VWA3B: variants seen among roughly 807,000 people sequenced by gnomAD.
The protein encoded by VWA3B is von Willebrand factor A domain containing 3B.
A neutral mutation model predicts 158.3 loss-of-function variants in VWA3B; 138 were observed. The observed-to-expected ratio is 0.87, with a 90% CI of 0.76 to 1.00. The LOEUF is 1.00. VWA3B is among the 50% of genes least tolerant of loss of function. VWA3B has a pLI of 0.00. For missense variants in VWA3B, 1,555 were observed against 1,565.1 expected, an observed-to-expected ratio of 0.99 and a Z score of 0.11; for synonymous variants, 596 against 587.3, an observed-to-expected ratio of 1.01 and a Z score of -0.21.
chr2:98,211,540 T>G (rs1683506106), intron 12 of VWA3B, among the ~76,000 whole-genome samples: 1 of 152,258 alleles, frequency 6.6e-6, no homozygotes, highest in Non-Finnish European at 1.5e-5. Context: ...ATATTGGGTA[T>G]CATGAATAAA....
chr2:98,195,639 G>C (rs1306339804), intron 12 of VWA3B, among the ~76,000 whole-genome samples: 2 of 151,616 alleles, frequency 1.3e-5, no homozygotes, highest in Non-Finnish European at 2.9e-5. Flanking sequence ...TGTTAACTCA[G>C]AGCCTACTAA....
the VWA3B span, among the ~76,000 whole-genome samples, chr2:98,318,913 A>C: frequency 6.6e-6 from 1 of 152,200 alleles, no homozygotes; most frequent in Non-Finnish European, 1.5e-5. Context: ...AAAATCTGAG[A>C]ATGCTCAAGC....
chr2:98,301,891 CCTTT>C (rs1331553439), intron 25 of VWA3B, among the ~76,000 whole-genome samples: 2 of 151,930 alleles, frequency 1.3e-5, no homozygotes. Flanking sequence ...CTCCTTCTGC[CCTTT>C]CTATGTTTAT....
At chr2:98,134,619 C>T (rs977411511) in intron 7 of VWA3B, among the ~76,000 whole-genome samples, 3 of 151,678 alleles carry the variant, frequency 2.0e-5, no homozygotes, top group African/African-American at 7.3e-5. Context: ...GAAGGAAGCC[C>T]CTGTTCGATT....
intron 2 of VWA3B, among the ~76,000 whole-genome samples, chr2:98,107,145 T>A (rs374303619): frequency 2.9e-4 from 44 of 152,306 alleles, no homozygotes; most frequent in African/African-American, 9.9e-4. Flanking sequence ...TGGATTATAT[T>A]ATTTTTTTTA....
chr2:98,089,680 C>T (rs1381070892), intron 1 of VWA3B, among the ~76,000 whole-genome samples: 2 of 149,802 alleles, frequency 1.3e-5, no homozygotes, highest in Non-Finnish European at 2.9e-5. Flanking sequence ...TACAAATATT[C>T]CATTTGTATT....
intron 12 of VWA3B, among the ~76,000 whole-genome samples, chr2:98,198,522 T>C (rs1682252312): frequency 6.8e-6 from 1 of 147,384 alleles, no homozygotes; most frequent in Non-Finnish European, 1.5e-5. Flanking sequence ...ACATCCTAGT[T>C]GAATCTTATT....
chr2:98,109,522 G>T (rs1673966084), intron 2 of VWA3B, among the ~76,000 whole-genome samples: 1 of 152,030 alleles, frequency 6.6e-6, no homozygotes, highest in Non-Finnish European at 1.5e-5. Context: ...TAGAATTTTG[G>T]TTCAACCATC....
At chr2:98,124,097 G>A (rs887750064) in intron 5 of VWA3B, among the ~76,000 whole-genome samples, 1 of 152,204 alleles carries the variant, frequency 6.6e-6, no homozygotes, top group Non-Finnish European at 1.5e-5. Context: ...ACTGAAAGCC[G>A]AAGTCCTGGC....
At chr2:98,128,666 A>G (rs1013674565) in intron 6 of VWA3B, among the ~76,000 whole-genome samples, 5 of 152,084 alleles carry the variant, frequency 3.3e-5, no homozygotes, top group African/African-American at 9.7e-5. Context: ...GGGCTAGCCA[A>G]TTCCTAGAGA....
intron 6 of VWA3B, among the ~76,000 whole-genome samples, chr2:98,133,212 G>A (rs1216238183): frequency 1.3e-5 from 2 of 152,170 alleles, no homozygotes; most frequent in Non-Finnish European, 2.9e-5. Flanking sequence ...GGCTGGGTGG[G>A]GGCCTGGGAG....
In VWA3B at chr2:98,285,283, C is replaced by T. The variant is rs74884371; in HGVS notation, c.3046-5228C>T. Among the ~76,000 whole-genome samples, 343 of 152,260 alleles carry T rather than the reference C, an allele frequency of 2.3e-3. 2 individuals are homozygous for T. The highest frequency in any genetic ancestry group is 7.8e-3 in the African/African-American group (323 of 41,558). ...TTCTATGCATTTTATAAATAAACGG[C>T]TGGATAATATTCCATTGTATGGATA... On this transcript the variant is annotated intron_variant, in intron 22 of 27. Transcript: ENST00000477737.
In VWA3B at chr2:98,167,706, C is replaced by T. The variant is rs151073617; in HGVS notation, c.1114+4730C>T. Among the ~76,000 whole-genome samples the T allele has an allele frequency of 3.5e-3, 537 of 152,258 alleles. 2 individuals carry two copies. The highest frequency in any genetic ancestry group is 0.014 in the Middle Eastern group (4 of 294). On this transcript the variant is annotated intron_variant, in intron 8 of 27. Transcript: ENST00000477737. Reference sequence around the variant, plus strand: ...TCAAGAATTCATTTGAATACTGATCCGCTCATGCCTGTGAGAAGGTTATCT... The same window carrying T: ...TCAAGAATTCATTTGAATACTGATCTGCTCATGCCTGTGAGAAGGTTATCT...
At chr2:98,317,155 A>G (rs1691104249), downstream of VWA3B, among the ~76,000 whole-genome samples, 1 of 152,234 alleles carries the variant, frequency 6.6e-6, no homozygotes, top group South Asian at 2.1e-4. Context: ...CTTGAAAGAT[A>G]CAAAAGTAGA....
intron 19 of VWA3B, among the ~76,000 whole-genome samples, chr2:98,242,824 CAAGG>C (rs1686165939): frequency 6.6e-6 from 1 of 151,038 alleles, no homozygotes; most frequent in African/African-American, 2.4e-5. Flanking sequence ...ATTTAGCTGA[CAAGG>C]AATATTTGGT....
intron 20 of VWA3B, 47 bp downstream of exon 20, chr2:98,250,483 T>G (rs1686731540): frequency 1.1e-5 from 16 of 1,433,910 alleles, no homozygotes; most frequent in Non-Finnish European, 1.4e-5. Flanking sequence ...GAATTTATTT[T>G]ATGGAGAAGG....
chr2:98,186,080 T>C (rs1283992979), intron 9 of VWA3B, among the ~76,000 whole-genome samples: 1 of 151,838 alleles, frequency 6.6e-6, no homozygotes, highest in Non-Finnish European at 1.5e-5. Flanking sequence ...ATCTCTGAAT[T>C]GCTAAATCCA....
chr2:98,310,947 T>C (rs1690848783), intron 26 of VWA3B, among the ~76,000 whole-genome samples: 1 of 152,228 alleles, frequency 6.6e-6, no homozygotes, highest in African/African-American at 2.4e-5. Context: ...TATTTGAAAA[T>C]AGCAAAAACT....
downstream of VWA3B, among the ~76,000 whole-genome samples, chr2:98,316,957 A>G (rs1691101780): frequency 6.6e-6 from 1 of 152,218 alleles, no homozygotes; most frequent in Non-Finnish European, 1.5e-5. Flanking sequence ...CCATGAGCCA[A>G]TTAAACCTCT....
Sources: allele counts gnomAD v4.1 joint callset (sites outside exome capture counted in the v4.1 genomes callset), GRCh38; gene constraint gnomAD v4.1.1; transcripts MANE v1.5; gene names NCBI Gene and HGNC (gene_info 2026-07-23, HGNC 2026-07-21).